ADGRB1: variants seen among roughly 807,000 people sequenced by gnomAD.
ADGRB1 encodes brain-specific angiogenesis inhibitor 1.
ADGRB1 carries 36 observed loss-of-function variants against 175.7 expected under a neutral mutation model. The ratio of observed to expected loss-of-function variants is 0.20; its 90% CI spans 0.16 to 0.27. The LOEUF (loss-of-function observed/expected upper bound fraction) is 0.27. ADGRB1 is among the 10% of genes least tolerant of loss of function. The pLI is 1.00. For missense variants in ADGRB1, 1,731 were observed against 2,255.3 expected (o/e 0.77, Z 4.71); for synonymous variants, 1,054 against 979.4 (o/e 1.08, Z -1.42).
At chr8:142,528,181 A>G (rs1282046309) in intron 24 of ADGRB1, among the ~76,000 whole-genome samples, 2 of 152,258 alleles carry the variant, frequency 1.3e-5, no homozygotes, top group Non-Finnish European at 2.9e-5. Flanking sequence ...GACCTGCACG[A>G]GGTCCCTGCC....
intron 9 of ADGRB1, among the ~76,000 whole-genome samples, chr8:142,480,451 G>C (rs1841272694): frequency 6.6e-6 from 1 of 152,158 alleles, no homozygotes; most frequent in South Asian, 2.1e-4. Context: ...CAGGGGCCCT[G>C]TGTTGCCAGC....
chr8:142,453,520 T>A (rs1839484128), intron 1 of ADGRB1, among the ~76,000 whole-genome samples: 1 of 152,208 alleles, frequency 6.6e-6, no homozygotes, highest in Non-Finnish European at 1.5e-5. Flanking sequence ...CCTCCCTGGC[T>A]GCAGCTGCGC....
At position 142,511,021 on chromosome 8, in the gene ADGRB1, T is replaced by G; in HGVS notation, c.2765T>G (p.Leu922Arg). ...CTCGACGCCCTCCGGACGCGCTGCC[T>G]CTGTGACCGGCTCTCCACCTTCGCC... ...VPLDALRTRC[L>R]CDRLSTFAIL... Residue 922 changes from leucine to arginine, a missense_variant, in exon 18 of 31, where the codon CTC becomes CGC. Leu to Arg is a moderately radical substitution (Grantham distance 102). Transcript: ENST00000517894. The surrounding 1 kb of genome is among the most constrained non-coding windows in gnomAD (Gnocchi z 4.5). 1 of 1,307,236 alleles carries G rather than the reference T, an allele frequency of 7.6e-7. No homozygotes were observed. Among genetic ancestry groups the G allele is most frequent in the East Asian group, 4.6e-5 (1 of 21,862 alleles). 81.0% of individuals were successfully genotyped at this position (1,307,236 alleles called of 1,614,324 possible). A position where few individuals can be genotyped will look rare whatever the true frequency, so the allele number is the denominator to read the frequency against.
rs139412009 is a variant in ADGRB1, at chr8:142,524,371, C to T, written c.3312+67C>T. On this transcript the variant is annotated intron_variant, in intron 23 of 30. Coordinates refer to ENST00000517894, the MANE Select transcript of ADGRB1 (RefSeq NM_001702.3). ...GGCCCCCCACCTGCCTCCTGGGCCTCGGTGCTGTCTCATGCCCCAGGCTGT... is the reference window on the plus strand; with the variant it reads ...GGCCCCCCACCTGCCTCCTGGGCCTTGGTGCTGTCTCATGCCCCAGGCTGT... The T allele has an allele frequency of 2.3e-3, 3,310 of 1,466,268 alleles. 7 individuals carry two copies. The highest frequency in any genetic ancestry group is 2.8e-3 in the Non-Finnish European group (3,003 of 1,089,134). 90.8% of individuals were successfully genotyped at this position (1,466,268 alleles called of 1,614,324 possible).
intron 2 of ADGRB1, among the ~76,000 whole-genome samples, chr8:142,472,815 G>A (rs908558400): frequency 6.6e-6 from 1 of 152,056 alleles, no homozygotes; most frequent in African/African-American, 2.4e-5. Context: ...ATGTGACCAG[G>A]GTCAGGAATC....
intron 18 of ADGRB1, among the ~76,000 whole-genome samples, chr8:142,514,363 C>T (rs1218358942): frequency 1.3e-5 from 2 of 152,130 alleles, no homozygotes; most frequent in Non-Finnish European, 2.9e-5. Context: ...CAGATGCGGG[C>T]TGCGCAGATG....
chr8:142,475,702 G>T (rs952263384), intron 3 of ADGRB1, 67 bp downstream of exon 3: 3 of 1,210,236 alleles, frequency 2.5e-6, no homozygotes, highest in Non-Finnish European at 3.1e-6. Flanking sequence ...GGAGGAGAGG[G>T]GGGTGGGGCC....
intron 6 of ADGRB1, 134 bp downstream of exon 6, chr8:142,477,683 C>T (rs1841056101): frequency 1.6e-6 from 2 of 1,243,600 alleles, no homozygotes; most frequent in Non-Finnish European, 2.2e-6. Context: ...GTTGGAACCT[C>T]AGACTGGGTT....
Position 142,479,313 on chromosome 8 carries a change from C to T in ADGRB1, c.1562-10C>T, listed in dbSNP as rs374355273. The T allele has an allele frequency of 1.5e-5, 23 of 1,486,226 alleles. No individual in the cohort carries two copies. Among genetic ancestry groups the T allele is most frequent in the African/African-American group, 5.7e-5 (4 of 70,234 alleles). The allele number at this position is 1,486,226 out of a possible 1,614,324, so 92.1% of individuals were successfully genotyped here. A position where few individuals can be genotyped will look rare whatever the true frequency, so the allele number is the denominator to read the frequency against. On this transcript the variant is annotated splice_polypyrimidine_tract_variant and intron_variant, in intron 7 of 30. Coordinates refer to ENST00000517894, the MANE Select transcript of ADGRB1 (RefSeq NM_001702.3). ...GTCGCCTGTGCCCTGTGTCTGGCCA[C>T]GCCCCGCAGTGGATGGCAAGTGGCA...
chr8:142,466,342 G>A (rs1437610145), intron 2 of ADGRB1, among the ~76,000 whole-genome samples: 1 of 152,242 alleles, frequency 6.6e-6, no homozygotes, highest in African/African-American at 2.4e-5. Context: ...GGCTACAGAG[G>A]AAGCCATTTA....
intron 17 of ADGRB1, among the ~76,000 whole-genome samples, chr8:142,505,098 C>G (rs1386797693): frequency 1.3e-5 from 2 of 152,136 alleles, no homozygotes; most frequent in East Asian, 1.9e-4. Context: ...GCGCCCTCCC[C>G]GTCACTGTCC....
At chr8:142,486,219 C>T (rs1841662183) in intron 13 of ADGRB1, among the ~76,000 whole-genome samples, 1 of 152,206 alleles carries the variant, frequency 6.6e-6, no homozygotes, top group Non-Finnish European at 1.5e-5. Flanking sequence ...CCCTCCCTCA[C>T]TCAGCTGCCA....
At chr8:142,527,615 A>G (rs1844285052) in intron 24 of ADGRB1, among the ~76,000 whole-genome samples, 2 of 151,878 alleles carry the variant, frequency 1.3e-5, no homozygotes, top group Admixed American at 1.3e-4. Context: ...GGAGGCTGGA[A>G]CAGGCCTCTC....
chr8:142,506,567 C>T (rs1272833049), intron 17 of ADGRB1, among the ~76,000 whole-genome samples: 2 of 152,218 alleles, frequency 1.3e-5, no homozygotes, highest in African/African-American at 2.4e-5. Context: ...TGGTCTCCCA[C>T]GTGCGGGAGC....
chr8:142,460,423 C>T (rs950265891), intron 1 of ADGRB1, among the ~76,000 whole-genome samples: 3 of 152,206 alleles, frequency 2.0e-5, no homozygotes, highest in Non-Finnish European at 1.5e-5. Flanking sequence ...TCAGCTGGGC[C>T]GGCCTTCCGG....
chr8:142,452,317 G>A (rs1459336155), intron 1 of ADGRB1, among the ~76,000 whole-genome samples: 1 of 152,208 alleles, frequency 6.6e-6, no homozygotes, highest in Admixed American at 6.5e-5. Flanking sequence ...GGGGGCTCGA[G>A]CCTGGGGTTT....
chr8:142,525,377 C>A (rs536888155), intron 23 of ADGRB1, among the ~76,000 whole-genome samples: 110 of 152,114 alleles, frequency 7.2e-4, no homozygotes, highest in African/African-American at 2.6e-3. Flanking sequence ...GTACACCCCT[C>A]CCCAGGATGT....
At chr8:142,465,085 A>G (rs1032690541) in intron 2 of ADGRB1, 103 bp downstream of exon 2, 11 of 213,258 alleles carry the variant, frequency 5.2e-5, no homozygotes, top group Admixed American at 1.1e-4. Flanking sequence ...CGGACAGAGG[A>G]GGTGGGCGGG....
At chr8:142,473,506 G>A (rs1213908812) in intron 2 of ADGRB1, among the ~76,000 whole-genome samples, 1 of 152,166 alleles carries the variant, frequency 6.6e-6, no homozygotes, top group Non-Finnish European at 1.5e-5. Context: ...CATGTGACAG[G>A]GCAGCCACGA....
Sources: allele counts gnomAD v4.1 joint callset (sites outside exome capture counted in the v4.1 genomes callset), GRCh38; gene constraint gnomAD v4.1.1; non-coding constraint Gnocchi (gnomAD v3.1); transcripts MANE v1.5; gene names NCBI Gene and HGNC (gene_info 2026-07-23, HGNC 2026-07-21).